The following SCRN1 variants were observed in gnomAD, a reference collection of about 807,000 sequenced individuals.
The protein encoded by SCRN1 is secernin 1.
Under a neutral mutation model 43.3 loss-of-function variants are expected in SCRN1, and 19 were observed. The observed-to-expected ratio is 0.44, with a 90% confidence interval of 0.31 to 0.64. The LOEUF is 0.64. Among genes scored for constraint, SCRN1 ranks in the 30% least tolerant of loss-of-function variants. The probability of loss-of-function intolerance (pLI) is 0.09; values close to 1 mark genes in which losing one functional copy is unlikely to be tolerated. For missense variants in SCRN1, 447 were observed against 524.1 expected, an observed-to-expected ratio of 0.85 and a Z score of 1.44; for synonymous variants, 183 against 188.9, an observed-to-expected ratio of 0.97 and a Z score of 0.26.
At chr7:29,951,236 T>C (rs1010703478) in intron 3 of SCRN1, among the ~76,000 whole-genome samples, 1 of 152,264 alleles carries the variant, frequency 6.6e-6, no homozygotes, top group Non-Finnish European at 1.5e-5. Flanking sequence ...AGCTAGTGCC[T>C]GTGCCAACGC....
Position 29,950,953 on chromosome 7 carries a change from C to T in SCRN1, c.341+4226G>A, listed in dbSNP as rs767639968. 3.9e-5 allele frequency among the ~76,000 whole-genome samples: 6 copies of T among 152,214 alleles called. No homozygotes were observed. The highest frequency in any genetic ancestry group is 7.3e-5 in the Non-Finnish European group (5 of 68,042). On this transcript the variant is annotated intron_variant, in intron 3 of 7. Transcript: ENST00000242059. The surrounding 1 kb of genome is among the most constrained non-coding windows in gnomAD (Gnocchi z 4.5). ...GAACATGGGACAAGAGCTTGGGACCCGCCAAATGGTGGGACTGAAAGAGCT... is the reference window on the plus strand; with the variant it reads ...GAACATGGGACAAGAGCTTGGGACCTGCCAAATGGTGGGACTGAAAGAGCT...
At chr7:29,989,397 C>T (rs1789283746) in intron 1 of SCRN1, among the ~76,000 whole-genome samples, 1 of 152,128 alleles carries the variant, frequency 6.6e-6, no homozygotes, top group Admixed American at 6.5e-5. Flanking sequence ...GGCATCCCTC[C>T]ACTGCACCCC....
intron 4 of SCRN1, among the ~76,000 whole-genome samples, chr7:29,941,320 A>C (rs1210217188): frequency 6.6e-6 from 1 of 152,184 alleles, no homozygotes; most frequent in Admixed American, 6.5e-5. Context: ...CATCTATAGA[A>C]AGCCCCCTCC....
intron 1 of SCRN1, among the ~76,000 whole-genome samples, chr7:29,979,390 A>T (rs1426481415): frequency 6.6e-6 from 1 of 152,172 alleles, no homozygotes; most frequent in Non-Finnish European, 1.5e-5. Flanking sequence ...AAAATTCATG[A>T]ACATTTCCAC....
chr7:29,932,900 A>G (rs1356717213), intron 6 of SCRN1, among the ~76,000 whole-genome samples: 1 of 151,876 alleles, frequency 6.6e-6, no homozygotes, highest in African/African-American at 2.4e-5. Context: ...TTTTTGAGAC[A>G]GAGTCTCACT....
chr7:29,987,047 CAT>C (rs1789183955), intron 1 of SCRN1, among the ~76,000 whole-genome samples: 1 of 151,594 alleles, frequency 6.6e-6, no homozygotes, highest in Non-Finnish European at 1.5e-5. Flanking sequence ...CTAAATGGCA[CAT>C]GTCACATCAG....
intron 3 of SCRN1, among the ~76,000 whole-genome samples, chr7:29,945,921 G>T (rs1787722639): frequency 6.6e-6 from 1 of 152,230 alleles, no homozygotes; most frequent in African/African-American, 2.4e-5. Context: ...GTACAAGCCA[G>T]TTCTTGGTGA....
At chr7:29,943,684 A>T (rs1787632006) in intron 4 of SCRN1, among the ~76,000 whole-genome samples, 1 of 152,164 alleles carries the variant, frequency 6.6e-6, no homozygotes, top group South Asian at 2.1e-4. Context: ...TGGCCAATTA[A>T]TAGAGTAATG....
chr7:29,973,014 G>A (rs961646041), intron 1 of SCRN1, among the ~76,000 whole-genome samples: 4 of 152,178 alleles, frequency 2.6e-5, no homozygotes, highest in African/African-American at 9.7e-5. Flanking sequence ...TCATATTAAG[G>A]CTTCCAGTGA....
intron 1 of SCRN1, among the ~76,000 whole-genome samples, chr7:29,987,666 G>C (rs1476849910): frequency 6.6e-6 from 1 of 152,232 alleles, no homozygotes; most frequent in Non-Finnish European, 1.5e-5. Flanking sequence ...TATAGACTTT[G>C]TAATTCATAT....
intron 6 of SCRN1, among the ~76,000 whole-genome samples, chr7:29,932,794 A>C (rs1441107506): frequency 6.6e-6 from 1 of 151,986 alleles, no homozygotes; most frequent in Non-Finnish European, 1.5e-5. Flanking sequence ...GCCACTACTT[A>C]AAGTAGCTCA....
intron 2 of SCRN1, among the ~76,000 whole-genome samples, chr7:29,959,095 C>A (rs1196511411): frequency 6.6e-6 from 1 of 152,256 alleles, no homozygotes; most frequent in Non-Finnish European, 1.5e-5. Flanking sequence ...ACCCCATCCA[C>A]ATTCCAGCAC....
intron 2 of SCRN1, among the ~76,000 whole-genome samples, chr7:29,962,940 G>A (rs1053831188): frequency 2.6e-5 from 4 of 152,032 alleles, no homozygotes; most frequent in Non-Finnish European, 2.9e-5. Flanking sequence ...GGAACTAAAG[G>A]GGTAAGAGTA....
Position 29,989,732 on chromosome 7 carries a change from T to G in SCRN1, c.-92A>C, listed in dbSNP as rs546836072. 33 of 986,068 alleles carry G rather than the reference T, an allele frequency of 3.3e-5. No homozygotes were observed. In the African/African-American group the frequency reaches 5.1e-4, roughly 15 times the overall value. The allele number at this position is 986,068 out of a possible 1,614,324, so 61.1% of individuals were successfully genotyped here. A position where few individuals can be genotyped will look rare whatever the true frequency, so the allele number is the denominator to read the frequency against. ...GCGGGTGCTGCCGGGTCCGGATTAC[T>G]GCGGCGACCTCGGGGGCTGCAGCTG... On this transcript the variant is annotated 5_prime_UTR_variant, in exon 1 of 8. Coordinates refer to ENST00000242059, the MANE Select transcript of SCRN1 (RefSeq NM_014766.5).
chr7:29,931,730 G>T (rs755880255), intron 6 of SCRN1, among the ~76,000 whole-genome samples: 1 of 152,234 alleles, frequency 6.6e-6, no homozygotes, highest in Non-Finnish European at 1.5e-5. Context: ...GTGACCTGGA[G>T]TTCCTGGCAA....
chr7:29,975,583 C>T (rs533929120), intron 1 of SCRN1, among the ~76,000 whole-genome samples: 37 of 152,150 alleles, frequency 2.4e-4, no homozygotes, highest in Non-Finnish European at 4.0e-4. Flanking sequence ...GTACTAATGC[C>T]AGAAACTCTA....
Position 29,925,833 on chromosome 7 carries a change from AC to A in SCRN1, c.1086+618del, listed in dbSNP as rs1786929292. The stretch of plus-strand genomic sequence containing the variant: ...AGACCAGCCTGGCCAACAGGGTGAA[AC>A]CCCGTCTCTACTAAAAATACAAAAA... On this transcript the variant is annotated intron_variant, in intron 7 of 7. Transcript: ENST00000242059. Among the ~76,000 whole-genome samples, 3 of 131,670 alleles carry A rather than the reference AC, an allele frequency of 2.3e-5. No individual in the cohort carries two copies. In the South Asian group the frequency reaches 7.4e-4, roughly 32 times the overall value. The allele number at this position is 131,670 out of a possible 152,430, so 86.4% of individuals were successfully genotyped here. A position where few individuals can be genotyped will look rare whatever the true frequency, so the allele number is the denominator to read the frequency against.
intron 1 of SCRN1, among the ~76,000 whole-genome samples, chr7:29,978,284 G>A (rs183172189): frequency 1.2e-4 from 18 of 152,242 alleles, no homozygotes; most frequent in African/African-American, 4.3e-4. Flanking sequence ...GATTTCCTAT[G>A]GACACTCAAA....
intron 2 of SCRN1, among the ~76,000 whole-genome samples, chr7:29,961,565 G>C (rs1359728873): frequency 6.6e-6 from 1 of 150,476 alleles, no homozygotes; most frequent in South Asian, 2.1e-4. Flanking sequence ...ATCCTGGCCC[G>C]TTCTCAGTGA....
Sources: gnomAD v4.1 joint callset for allele counts (sites outside exome capture counted in the v4.1 genomes callset) on GRCh38, gnomAD v4.1.1 for gene constraint, Gnocchi (gnomAD v3.1) non-coding constraint, MANE v1.5 for transcripts, NCBI Gene and HGNC (gene_info 2026-07-23, HGNC 2026-07-21) for gene names.